Variants in SF3B3 observed in about 807,000 individuals in gnomAD.
The protein encoded by SF3B3 is SAP 130.
Under a neutral mutation model 139.2 loss-of-function variants are expected in SF3B3, and 33 were observed. That is an observed-to-expected ratio of 0.24 (90% CI 0.18 to 0.32). The LOEUF (loss-of-function observed/expected upper bound fraction) is 0.32. Ranked by LOEUF, SF3B3 falls within the 10% of genes least tolerant of loss-of-function variation. The pLI, the probability that SF3B3 is intolerant of heterozygous loss-of-function variation, is 1.00. For missense variants in SF3B3, 818 were observed against 1,509.4 expected, an observed-to-expected ratio of 0.54 and a Z score of 7.59; for synonymous variants, 596 against 563.6, an observed-to-expected ratio of 1.06 and a Z score of -0.81.
intron 6 of SF3B3, among the ~76,000 whole-genome samples, chr16:70,535,708 C>T (rs6499319): frequency 0.032 from 4,815 of 151,058 alleles, 289 homozygotes; most frequent in African/African-American, 0.11. Context: ...TTGGAGAAAC[C>T]AGGCATATTT....
chr16:70,576,120 G>A lies in SF3B3; in HGVS notation c.*4307G>A, dbSNP rs1361110860. On this transcript the variant is annotated 3_prime_UTR_variant, in exon 26 of 26. Coordinates refer to ENST00000302516, the MANE Select transcript of SF3B3 (RefSeq NM_012426.5). ...AAAAAAGAGTCTGCTGGTGATGTCTGGGCATGTGTCTGCTTCACAGTCCAG... is the reference window on the plus strand; with the variant it reads ...AAAAAAGAGTCTGCTGGTGATGTCTAGGCATGTGTCTGCTTCACAGTCCAG... 6.6e-6 allele frequency: 1 copy of A among 151,882 alleles called. No individual in the cohort carries two copies. The highest frequency in any genetic ancestry group is 2.1e-4 in the South Asian group (1 of 4,822). 9.4% of individuals were successfully genotyped at this position (151,882 alleles called of 1,614,324 possible). A position where few individuals can be genotyped will look rare whatever the true frequency, so the allele number is the denominator to read the frequency against.
At chr16:70,569,909 G>A (rs2050512261) in intron 23 of SF3B3, 97 bp from the exon 24 acceptor site, 1 of 1,361,524 alleles carries the variant, frequency 7.3e-7, no homozygotes, top group Admixed American at 2.2e-5. Flanking sequence ...GATGTTAATA[G>A]ATGATGAAAT....
intron 17 of SF3B3, 143 bp downstream of exon 17, chr16:70,561,927 C>T: frequency 3.0e-6 from 2 of 675,992 alleles, no homozygotes; most frequent in Non-Finnish European, 5.0e-6. Flanking sequence ...CAATTGAAAC[C>T]TTCATTTGGC....
rs1410294279 is a variant in SF3B3, at chr16:70,571,933, T to C, written c.*120T>C. Reference sequence around the variant, plus strand: ...TGACTGGATAATTAAGACTGCATTATGAAAGTCAACAGCTCTTTCCCCTCA... The same window carrying C: ...TGACTGGATAATTAAGACTGCATTACGAAAGTCAACAGCTCTTTCCCCTCA... On this transcript the variant is annotated 3_prime_UTR_variant, in exon 26 of 26. Coordinates refer to ENST00000302516, the MANE Select transcript of SF3B3 (RefSeq NM_012426.5). 15 of 1,228,016 alleles carry C rather than the reference T, an allele frequency of 1.2e-5. No individual in the cohort carries two copies. Among genetic ancestry groups the C allele is most frequent in the Non-Finnish European group, 1.7e-5 (15 of 870,352 alleles). 76.1% of individuals were successfully genotyped at this position (1,228,016 alleles called of 1,614,324 possible). A position where few individuals can be genotyped will look rare whatever the true frequency, so the allele number is the denominator to read the frequency against.
At chr16:70,544,332 A>C (rs866883929) in intron 9 of SF3B3, 106 bp from the exon 10 acceptor site, 2 of 693,960 alleles carry the variant, frequency 2.9e-6, no homozygotes, top group Non-Finnish European at 5.2e-6. Flanking sequence ...TGATCAGCAG[A>C]TAATTGTATT....
intron 25 of SF3B3, 109 bp downstream of exon 25, chr16:70,571,308 C>T (rs2050527108): frequency 2.6e-6 from 2 of 766,364 alleles, no homozygotes; most frequent in South Asian, 3.1e-5. Context: ...GGGCAGACCA[C>T]AGCCAGAGCA....
chr16:70,556,888 C>T lies in SF3B3; in HGVS notation c.1869C>T (p.Asp623=). Reference sequence around the variant, plus strand: ...TATGATTTTTCTCTCCCTCTCAGGACTGTTTGCAACCTCTAAGCATGCAGG... The same window carrying T: ...TATGATTTTTCTCTCCCTCTCAGGATTGTTTGCAACCTCTAAGCATGCAGG... ...TVRIISLDPS[D]CLQPLSMQAL... is the part of the protein sequence containing the mutation. The change falls in exon 15 of 26, where the codon GAC becomes GAT. Residue 623 remains aspartate (D), a splice_region_variant and synonymous_variant. Coordinates refer to ENST00000302516, the MANE Select transcript of SF3B3 (RefSeq NM_012426.5). 1.2e-6 allele frequency: 2 copies of T among 1,614,142 alleles called. No homozygotes were observed. The highest frequency in any genetic ancestry group is 1.7e-6 in the Non-Finnish European group (2 of 1,180,004).
chr16:70,546,786 T>C, intron 10 of SF3B3, among the ~76,000 whole-genome samples: 1 of 152,082 alleles, frequency 6.6e-6, no homozygotes, highest in East Asian at 1.9e-4. Flanking sequence ...TATATAAAAA[T>C]ATTTTCTGAG....
intron 13 of SF3B3, among the ~76,000 whole-genome samples, 191 bp from the exon 14 acceptor site, chr16:70,555,988 C>A (rs1232789433): frequency 1.3e-5 from 2 of 152,152 alleles, no homozygotes. Context: ...TTGCTGTGAG[C>A]CTGTTAACTT....
chr16:70,530,665 A>G (rs920326673), intron 3 of SF3B3, 80 bp from the exon 4 acceptor site: 46 of 1,154,400 alleles, frequency 4.0e-5, no homozygotes, highest in Admixed American at 6.8e-5. Context: ...AAAGAAAAGC[A>G]TGATGTGACT....
intron 16 of SF3B3, among the ~76,000 whole-genome samples, chr16:70,561,063 C>T (rs2050423768): frequency 6.6e-6 from 1 of 152,092 alleles, no homozygotes; most frequent in African/African-American, 2.4e-5. Context: ...CTCTGTCGCC[C>T]AGGCTGGAAT....
chr16:70,560,584 A>G lies in SF3B3; in HGVS notation c.2126A>G (p.Gln709Arg), dbSNP rs2050419457. The G allele has an allele frequency of 1.2e-6, 2 of 1,613,448 alleles. No individual in the cohort carries two copies. The highest frequency in any genetic ancestry group is 1.7e-6 in the Non-Finnish European group (2 of 1,179,476). ...CTCTTCCGAGTCCGAATGCAAGGCC[A>G]GGAGGCAGTAAGTAATGAAGGTTGG... ...VKLFRVRMQGQEAVLAMSSRS... is the reference protein window; with the variant it reads ...VKLFRVRMQGREAVLAMSSRS... Residue 709 changes from glutamine to arginine, a missense_variant, in exon 16 of 26, where the codon CAG becomes CGG. Gln to Arg is a conservative substitution (Grantham distance 43). Transcript: ENST00000302516.
chr16:70,554,905 C>T (rs1364924244), intron 12 of SF3B3, 146 bp from the exon 13 acceptor site: 2 of 757,748 alleles, frequency 2.6e-6, no homozygotes, highest in Non-Finnish European at 4.2e-6. Flanking sequence ...CTGAGGCCTA[C>T]TAACTCTTTT....
At chr16:70,559,960 A>C (rs1406612727) in intron 15 of SF3B3, among the ~76,000 whole-genome samples, 2 of 151,834 alleles carry the variant, frequency 1.3e-5, no homozygotes, top group Non-Finnish European at 2.9e-5. Context: ...AAAAGTGGGA[A>C]TTTCTATTTG....
At chr16:70,544,171 G>C (rs1184211105) in intron 9 of SF3B3, among the ~76,000 whole-genome samples, 2 of 152,118 alleles carry the variant, frequency 1.3e-5, no homozygotes, top group Non-Finnish European at 2.9e-5. Context: ...TTTTTTAGGA[G>C]ACTGGTGTGA....
intron 7 of SF3B3, 134 bp downstream of exon 7, chr16:70,538,594 T>C: frequency 1.5e-6 from 1 of 684,658 alleles, no homozygotes; most frequent in Non-Finnish European, 2.4e-6. Flanking sequence ...AGTATAGATT[T>C]TCTCTCTGGT....
At chr16:70,560,740 C>A in intron 16 of SF3B3, 149 bp downstream of exon 16, 1 of 791,172 alleles carries the variant, frequency 1.3e-6, no homozygotes, top group Non-Finnish European at 2.0e-6. Context: ...GTTTTCCTAA[C>A]CTAGAGCTTC....
chr16:70,571,385 G>C (rs1276045454), intron 25 of SF3B3, among the ~76,000 whole-genome samples, 186 bp downstream of exon 25: 3 of 152,138 alleles, frequency 2.0e-5, no homozygotes, highest in Non-Finnish European at 2.9e-5. Flanking sequence ...TAGTGTTCCT[G>C]GATCTACAAG....
At chr16:70,549,809 C>G (rs1261672991) in intron 11 of SF3B3, among the ~76,000 whole-genome samples, 1 of 152,050 alleles carries the variant, frequency 6.6e-6, no homozygotes, top group Non-Finnish European at 1.5e-5. Context: ...CCTGTAATCC[C>G]AGCTACTTAA....
Sources: allele counts gnomAD v4.1 joint callset (sites outside exome capture counted in the v4.1 genomes callset), GRCh38; gene constraint gnomAD v4.1.1; transcripts MANE v1.5; gene names NCBI Gene and HGNC (gene_info 2026-07-23, HGNC 2026-07-21).